Variants in CGNL1 observed in about 807,000 individuals in gnomAD.
CGNL1 encodes the protein cingulin-like protein 1.
Under a neutral mutation model 141.2 loss-of-function variants are expected in CGNL1, and 132 were observed. That is an observed-to-expected ratio of 0.93 (90% CI 0.81 to 1.08). The LOEUF (loss-of-function observed/expected upper bound fraction) is 1.08, where lower values mean the gene tolerates loss of function less well. Among genes scored for constraint, CGNL1 ranks in the 50% least tolerant of loss-of-function variants. The pLI is 0.00. For synonymous variants in CGNL1, 690 were observed against 622.1 expected, an observed-to-expected ratio of 1.11 and a Z score of -1.63; for missense variants, 1,870 against 1,588.6, an observed-to-expected ratio of 1.18 and a Z score of -3.01.
At chr15:57,512,613 A>T (rs1178548012) in intron 8 of CGNL1, among the ~76,000 whole-genome samples, 2 of 152,244 alleles carry the variant, frequency 1.3e-5, no homozygotes, top group African/African-American at 4.8e-5. Context: ...GCCAGCCATA[A>T]GCTGAGTGAA....
chr15:57,524,606 G>A lies in CGNL1; in HGVS notation c.2894G>A (p.Arg965His), dbSNP rs777653258. ...KEMADIVEAS[R>H]TSTLELQNQL... ...ATGGCAGACATTGTTGAGGCCTCCCGTACCTCAACCCTGGAGCTCCAGAAC... is the reference window on the plus strand; with the variant it reads ...ATGGCAGACATTGTTGAGGCCTCCCATACCTCAACCCTGGAGCTCCAGAAC... The change falls in exon 12 of 19, where the codon CGT becomes CAT. Residue 965 changes from arginine (R) to histidine (H), a missense_variant. Arg to His is a conservative substitution (Grantham distance 29, BLOSUM62 0). Transcript: ENST00000281282. 8.7e-6 allele frequency: 14 copies of A among 1,613,618 alleles called. No individual in the cohort carries two copies. The highest frequency in any genetic ancestry group is 6.7e-5 in the African/African-American group (5 of 74,874).
intron 1 of CGNL1, among the ~76,000 whole-genome samples, chr15:57,388,987 G>A (rs949750433): frequency 1.3e-5 from 2 of 152,080 alleles, no homozygotes; most frequent in African/African-American, 4.8e-5. Context: ...AAATTCTAAA[G>A]GTAAAAATGA....
At position 57,499,817 on chromosome 15, in the gene CGNL1, A is replaced by T. The variant is rs16977544; in HGVS notation, c.2404-16963A>T. ...GGAATGGGCCTGACCCAGTACAAAG[A>T]GGAATGTGTTTGACACAGGGTTTGA... is the stretch of plus-strand genomic sequence containing the variant. On this transcript the variant is annotated intron_variant, in intron 8 of 18. Coordinates refer to ENST00000281282, the MANE Select transcript of CGNL1 (RefSeq NM_032866.5). Among the ~76,000 whole-genome samples the T allele has an allele frequency of 3.2e-3, 493 of 152,354 alleles. 5 individuals are homozygous for T. Among genetic ancestry groups the T allele is most frequent in the African/African-American group, 0.011 (476 of 41,590 alleles).
intron 1 of CGNL1, among the ~76,000 whole-genome samples, chr15:57,383,149 C>G (rs1232342677): frequency 6.6e-6 from 1 of 152,070 alleles, no homozygotes; most frequent in Non-Finnish European, 1.5e-5. Context: ...CTGGAATGTT[C>G]ACTTAGAGTG....
intron 1 of CGNL1, among the ~76,000 whole-genome samples, chr15:57,391,900 A>C (rs1243007903): frequency 1.6e-4 from 25 of 152,168 alleles, no homozygotes; most frequent in Non-Finnish European, 3.4e-4. Flanking sequence ...AAGAACAGAA[A>C]AGATGCAAAT....
At chr15:57,421,793 AG>A (rs1392455905) in intron 1 of CGNL1, among the ~76,000 whole-genome samples, 2 of 150,300 alleles carry the variant, frequency 1.3e-5, no homozygotes, top group Non-Finnish European at 3.0e-5. Context: ...GTAGAGTGTC[AG>A]GGGTCGTGTG....
Position 57,463,234 on chromosome 15 carries a change from G to T in CGNL1, c.2403+1342G>T, listed in dbSNP as rs536418401. ...AAACTTGTGCCTCACATGGGGTGGG[G>T]GCTATTTATTGGAAGCTTCCAGGTT... On this transcript the variant is annotated intron_variant, in intron 8 of 18. Transcript: ENST00000281282. Among the ~76,000 whole-genome samples the T allele has an allele frequency of 2.0e-5, 3 of 152,182 alleles. No individual in the cohort carries two copies. The South Asian group carries it at 6.2e-4, about 32-fold the overall frequency.
intron 1 of CGNL1, among the ~76,000 whole-genome samples, chr15:57,433,306 T>G (rs1287212931): frequency 6.6e-6 from 1 of 152,248 alleles, no homozygotes; most frequent in Admixed American, 6.5e-5. Flanking sequence ...TTGAGTTGTT[T>G]TATGATATTA....
At chr15:57,493,736 G>A (rs1318368765) in intron 8 of CGNL1, among the ~76,000 whole-genome samples, 2 of 152,214 alleles carry the variant, frequency 1.3e-5, no homozygotes, top group Non-Finnish European at 2.9e-5. Context: ...AACCTTTGAA[G>A]TACCATTTAG....
At chr15:57,400,502 A>G (rs1156898478) in intron 1 of CGNL1, among the ~76,000 whole-genome samples, 2 of 152,128 alleles carry the variant, frequency 1.3e-5, no homozygotes, top group African/African-American at 2.4e-5. Context: ...CTAAAAAGAA[A>G]ATGGTGGGCT....
rs549244156 is a variant in CGNL1 at position 57,433,285 on chromosome 15, T to A, written c.-15-4700T>A. ...TAGTCTAAGGCAAGCTCGCTGTACT[T>A]GTCCTTAGTATTGAGTTGTTTTATG... is the stretch of plus-strand genomic sequence containing the variant. On this transcript the variant is annotated intron_variant, in intron 1 of 18. Coordinates refer to ENST00000281282, the MANE Select transcript of CGNL1 (RefSeq NM_032866.5). 3.9e-5 allele frequency among the ~76,000 whole-genome samples: 6 copies of A among 152,366 alleles called. No homozygotes were observed. In the East Asian group the frequency reaches 1.2e-3, roughly 29 times the overall value.
intron 8 of CGNL1, among the ~76,000 whole-genome samples, chr15:57,471,750 G>C (rs1371994137): frequency 1.3e-5 from 2 of 152,204 alleles, no homozygotes; most frequent in African/African-American, 2.4e-5. Flanking sequence ...TCAATAGTCA[G>C]TGTCAATGTC....
intron 8 of CGNL1, among the ~76,000 whole-genome samples, chr15:57,492,977 T>G (rs2063887586): frequency 6.6e-6 from 1 of 152,158 alleles, no homozygotes; most frequent in Non-Finnish European, 1.5e-5. Flanking sequence ...CTGTGAAGTA[T>G]GAGATAACAT....
At chr15:57,483,485 T>G (rs2063751932) in intron 8 of CGNL1, among the ~76,000 whole-genome samples, 1 of 139,862 alleles carries the variant, frequency 7.1e-6, no homozygotes, top group African/African-American at 2.7e-5. Context: ...TTTTTTTTTT[T>G]GTGACAGGGA....
intron 8 of CGNL1, among the ~76,000 whole-genome samples, chr15:57,497,842 T>C (rs1280386): frequency 0.96 from 146,787 of 152,344 alleles, 70,911 homozygotes; most frequent in Non-Finnish European, 1. Context: ...GAAGCCCAGC[T>C]GTTGTATAGG....
chr15:57,503,592 G>A (rs2064058188), intron 8 of CGNL1, among the ~76,000 whole-genome samples: 1 of 152,164 alleles, frequency 6.6e-6, no homozygotes, highest in Non-Finnish European at 1.5e-5. Flanking sequence ...AAGGCTTGGA[G>A]TGGAAGGGGT....
rs778434975 is a variant in CGNL1 at position 57,438,696 on chromosome 15, G to A, written c.697G>A (p.Val233Met). Reference sequence around the variant, plus strand: ...AGAGGACCCCAAAAAGCAGACCTCAGTGTGTGTAAACGTTCAGAGCTGCAC... The same window carrying A: ...AGAGGACCCCAAAAAGCAGACCTCAATGTGTGTAAACGTTCAGAGCTGCAC... The part of the protein sequence containing the change: ...VIEDPKKQTS[V>M]CVNVQSCTKE... Residue 233 changes from valine to methionine, a missense_variant, in exon 2 of 19, where the codon GTG (valine) becomes ATG (methionine). Transcript: ENST00000281282. 4 of 1,614,194 alleles carry A rather than the reference G, an allele frequency of 2.5e-6. No homozygotes were observed. The highest frequency in any genetic ancestry group is 2.2e-5 in the South Asian group (2 of 91,080).
chr15:57,498,079 G>A (rs912186994), intron 8 of CGNL1, among the ~76,000 whole-genome samples: 7 of 152,006 alleles, frequency 4.6e-5, no homozygotes, highest in African/African-American at 1.7e-4. Context: ...TCTGTGTGTG[G>A]CACCAAGCAC....
At chr15:57,536,680 G>A (rs1289231083) in intron 14 of CGNL1, among the ~76,000 whole-genome samples, 3 of 152,180 alleles carry the variant, frequency 2.0e-5, no homozygotes, top group Non-Finnish European at 4.4e-5. Flanking sequence ...CAAAAACCAT[G>A]TTTCCATTTA....
Sources: gnomAD v4.1 joint callset for allele counts (sites outside exome capture counted in the v4.1 genomes callset) on GRCh38, gnomAD v4.1.1 for gene constraint, MANE v1.5 for transcripts, NCBI Gene and HGNC (gene_info 2026-07-23, HGNC 2026-07-21) for gene names.